Variants in SULF1 observed in about 807,000 individuals in gnomAD.
SULF1 encodes the protein extracellular sulfatase Sulf-1.
A neutral mutation model predicts 110.5 loss-of-function variants in SULF1; 46 were observed. The observed-to-expected ratio is 0.42, with a 90% CI of 0.33 to 0.53. SULF1 has a LOEUF of 0.53. Ranked by LOEUF, SULF1 falls within the 20% of genes least tolerant of loss-of-function variation. SULF1 has a pLI of 0.12. For missense variants in SULF1, 941 were observed against 1,094.2 expected, an observed-to-expected ratio of 0.86 and a Z score of 1.98; for synonymous variants, 371 against 387.1, an observed-to-expected ratio of 0.96 and a Z score of 0.49.
In SULF1 at chr8:69,660,532, CT is replaced by C. The variant is rs1389740045; in HGVS notation, c.*1998del. On this transcript the variant is annotated 3_prime_UTR_variant, in exon 23 of 23. Transcript: ENST00000402687. ...CCAAGATGATGTGTTTTTGCTTACCCTAAGAGAGGTTTTCTTCTTATTTTTA... is the reference window on the plus strand; with the variant it reads ...CCAAGATGATGTGTTTTTGCTTACCCAAGAGAGGTTTTCTTCTTATTTTTA... 2 of 152,600 alleles carry C rather than the reference CT, an allele frequency of 1.3e-5. No individual in the cohort carries two copies. Among genetic ancestry groups the C allele is most frequent in the African/African-American group, 4.8e-5 (2 of 41,432 alleles). The allele number at this position is 152,600 out of a possible 1,614,324, so 9.5% of individuals were successfully genotyped here.
intron 19 of SULF1, among the ~76,000 whole-genome samples, chr8:69,633,873 A>T (rs949996739): frequency 1.3e-5 from 2 of 152,126 alleles, no homozygotes; most frequent in Admixed American, 6.5e-5. Context: ...TTGATCAATT[A>T]TTCTTGCAAA....
At chr8:69,482,436 A>T (rs1380561145) in intron 1 of SULF1, among the ~76,000 whole-genome samples, 2 of 152,194 alleles carry the variant, frequency 1.3e-5, no homozygotes, top group African/African-American at 4.8e-5. Context: ...TGCCCATTTT[A>T]AAGAAATAGA....
At chr8:69,620,244 T>C (rs1809497866) in intron 13 of SULF1, among the ~76,000 whole-genome samples, 1 of 152,180 alleles carries the variant, frequency 6.6e-6, no homozygotes, top group Non-Finnish European at 1.5e-5. Context: ...TTCGTCAGCT[T>C]GTCTCCTCAT....
At chr8:69,553,475 TA>T (rs1040631835) in intron 3 of SULF1, among the ~76,000 whole-genome samples, 2 of 152,222 alleles carry the variant, frequency 1.3e-5, no homozygotes, top group African/African-American at 4.8e-5. Flanking sequence ...GGAGCCCTGG[TA>T]AACTTTGCAG....
intron 21 of SULF1, 130 bp downstream of exon 21, chr8:69,638,988 G>A (rs1586613062): frequency 1.1e-6 from 1 of 935,904 alleles, no homozygotes; most frequent in Non-Finnish European, 1.6e-6. Context: ...CACTTTCCAG[G>A]CAATTCTAAA....
At chr8:69,477,293 A>G (rs1279433471) in intron 1 of SULF1, among the ~76,000 whole-genome samples, 1 of 152,162 alleles carries the variant, frequency 6.6e-6, no homozygotes, top group East Asian at 1.9e-4. Flanking sequence ...TATATGAAAA[A>G]CTTCATGTAT....
At chr8:69,652,918 C>G (rs1034183724) in intron 22 of SULF1, among the ~76,000 whole-genome samples, 1 of 152,206 alleles carries the variant, frequency 6.6e-6, no homozygotes, top group Non-Finnish European at 1.5e-5. Flanking sequence ...GCCAGATTTG[C>G]AAATCGTTCT....
chr8:69,518,277 T>C (rs2150605187), intron 3 of SULF1, among the ~76,000 whole-genome samples: 1 of 152,314 alleles, frequency 6.6e-6, no homozygotes, highest in East Asian at 1.9e-4. Context: ...TCCATTTATC[T>C]CTTCATTATG....
chr8:69,575,427 G>T (rs1431983407), intron 5 of SULF1, among the ~76,000 whole-genome samples: 3 of 152,172 alleles, frequency 2.0e-5, no homozygotes, highest in Non-Finnish European at 2.9e-5. Context: ...CTTGCTAGAG[G>T]ATACCAACTT....
At chr8:69,572,981 T>C (rs1204708038) in intron 5 of SULF1, among the ~76,000 whole-genome samples, 3 of 152,150 alleles carry the variant, frequency 2.0e-5, no homozygotes, top group Non-Finnish European at 4.4e-5. Flanking sequence ...GCGCATGCCA[T>C]CATGCTGGCT....
In SULF1 at chr8:69,658,532, T is replaced by C. The variant is rs747625998; in HGVS notation, c.2613T>C (p.Gly871=). ...HRGQLWDGWE[G] ...GACAGTTATGGGATGGATGGGAAGG[T>C]TAATCAGCCCCGTCTCACTGCAGAC... is the stretch of plus-strand genomic sequence containing the variant. The change falls in exon 23 of 23, where the codon GGT becomes GGC. Residue 871 remains glycine (G), a synonymous_variant. Transcript: ENST00000402687. The C allele has an allele frequency of 1.2e-6, 2 of 1,609,974 alleles. No homozygotes were observed. Among genetic ancestry groups the C allele is most frequent in the South Asian group, 1.1e-5 (1 of 90,486 alleles).
chr8:69,523,342 T>A (rs1165996335), intron 3 of SULF1, among the ~76,000 whole-genome samples: 1 of 151,850 alleles, frequency 6.6e-6, no homozygotes, highest in Non-Finnish European at 1.5e-5. Flanking sequence ...AGGTTATGAG[T>A]GAAGGTCAGG....
chr8:69,630,900 G>A (rs1810471922), intron 19 of SULF1, among the ~76,000 whole-genome samples: 1 of 152,046 alleles, frequency 6.6e-6, no homozygotes, highest in Non-Finnish European at 1.5e-5. Context: ...CATGTGCCAT[G>A]CTGGTGTGCT....
chr8:69,513,329 G>C, intron 3 of SULF1, among the ~76,000 whole-genome samples: 1 of 152,194 alleles, frequency 6.6e-6, no homozygotes, highest in Non-Finnish European at 1.5e-5. Flanking sequence ...AATAGAGCCA[G>C]AAATAAATAT....
chr8:69,594,694 G>A (rs1807171527), intron 8 of SULF1, among the ~76,000 whole-genome samples: 1 of 151,284 alleles, frequency 6.6e-6, no homozygotes, highest in Non-Finnish European at 1.5e-5. Flanking sequence ...TTGAAGATAA[G>A]AAAAGTTTAA....
In SULF1 at chr8:69,650,204, T is replaced by C. The variant is rs1373033908; in HGVS notation, c.2586-8301T>C. 2.6e-5 allele frequency among the ~76,000 whole-genome samples: 4 copies of C among 151,872 alleles called. No homozygotes were observed. The East Asian group carries it at 7.7e-4, about 29-fold the overall frequency. On this transcript the variant is annotated intron_variant, in intron 22 of 22. Transcript: ENST00000402687. ...TTGTAGAGACAAGGTCTCACTATAT[T>C]GCCCAGGCTAGTCTCAAACTCCTAG...
intron 1 of SULF1, among the ~76,000 whole-genome samples, chr8:69,474,219 T>C (rs1018614519): frequency 1.3e-5 from 2 of 152,234 alleles, no homozygotes; most frequent in Non-Finnish European, 2.9e-5. Flanking sequence ...ACCAGAATTA[T>C]GGTGGGAAAA....
At chr8:69,625,611 T>G (rs1042469092) in intron 15 of SULF1, among the ~76,000 whole-genome samples, 2 of 152,140 alleles carry the variant, frequency 1.3e-5, no homozygotes, top group African/African-American at 4.8e-5. Context: ...AGGCAGCGCG[T>G]CTGGAGTTGT....
intron 19 of SULF1, among the ~76,000 whole-genome samples, chr8:69,637,173 T>A (rs1383364568): frequency 1.3e-5 from 2 of 152,344 alleles, no homozygotes; most frequent in South Asian, 2.1e-4. Context: ...CAAATGACCA[T>A]AGAAGGGTCG....
Sources: allele counts gnomAD v4.1 joint callset (sites outside exome capture counted in the v4.1 genomes callset), GRCh38; gene constraint gnomAD v4.1.1; transcripts MANE v1.5; gene names NCBI Gene and HGNC (gene_info 2026-07-23, HGNC 2026-07-21).